The following NUDT21 variants were observed in gnomAD, a reference collection of about 807,000 sequenced individuals.
NUDT21 encodes the protein nudix hydrolase 21.
NUDT21 carries 5 observed loss-of-function variants against 29.8 expected under a neutral mutation model. That is an observed-to-expected ratio of 0.17 (90% CI 0.09 to 0.35). The LOEUF is 0.35. Among genes scored for constraint, NUDT21 ranks in the 10% least tolerant of loss-of-function variants. NUDT21 has a pLI of 1.00. For synonymous variants in NUDT21, 113 were observed against 98.5 expected, an observed-to-expected ratio of 1.15 and a Z score of -0.87; for missense variants, 76 against 276.0, an observed-to-expected ratio of 0.28 and a Z score of 5.13.
At chr16:56,441,006 C>T (rs1354786624) in intron 3 of NUDT21, among the ~76,000 whole-genome samples, 3 of 152,114 alleles carry the variant, frequency 2.0e-5, no homozygotes. Context: ...TCCCAAAGTG[C>T]TGGGCTTACA....
Position 56,434,917 on chromosome 16 carries a change from G to C in NUDT21, c.472-88C>G. Reference sequence around the variant, plus strand: ...ACTCCCCAGTATAGTATAAACTGTTGGGAGAAGCATACTACTTTCTGTCCT... The same window carrying C: ...ACTCCCCAGTATAGTATAAACTGTTCGGAGAAGCATACTACTTTCTGTCCT... On this transcript the variant is annotated intron_variant, in intron 4 of 6. Transcript: ENST00000300291. The C allele has an allele frequency of 2.6e-6, 2 of 780,682 alleles. 1 individual carries two copies. The allele number at this position is 780,682 out of a possible 1,614,324, so 48.4% of individuals were successfully genotyped here. A position where few individuals can be genotyped will look rare whatever the true frequency, so the allele number is the denominator to read the frequency against.
chr16:56,451,329 G>T lies in NUDT21; in HGVS notation c.-127C>A. Reference sequence around the variant, plus strand: ...CCGCCATTAACAGGACAGCGCAAGAGGAGGCGTAGGCACGCCGGAAGTGAA... The same window carrying T: ...CCGCCATTAACAGGACAGCGCAAGATGAGGCGTAGGCACGCCGGAAGTGAA... On this transcript the variant is annotated 5_prime_UTR_variant, in exon 1 of 7. Coordinates refer to ENST00000300291, the MANE Select transcript of NUDT21 (RefSeq NM_007006.3). 1.2e-6 allele frequency: 1 copy of T among 810,324 alleles called. No individual in the cohort carries two copies. Among genetic ancestry groups the T allele is most frequent in the Non-Finnish European group, 1.9e-6 (1 of 514,360 alleles). The allele number at this position is 810,324 out of a possible 1,614,324, so 50.2% of individuals were successfully genotyped here.
chr16:56,439,537 A>G lies in NUDT21; in HGVS notation c.471+120T>C, dbSNP rs1962138376. The G allele has an allele frequency of 5.4e-6, 4 of 746,566 alleles. No homozygotes were observed. In the South Asian group the frequency reaches 6.3e-5, roughly 12 times the overall value. 46.2% of individuals were successfully genotyped at this position (746,566 alleles called of 1,614,324 possible). A position where few individuals can be genotyped will look rare whatever the true frequency, so the allele number is the denominator to read the frequency against. ...TGCTTGGCTTAATTTTGTAATTTAA[A>G]TTAAGGAGGGAAGAAAAGAAAATTT... is the stretch of plus-strand genomic sequence containing the variant. On this transcript the variant is annotated intron_variant, in intron 4 of 6. Transcript: ENST00000300291.
rs1268314234 is a variant in NUDT21, at chr16:56,429,171, TAAAA to T, written c.*3537_*3540del. ...ATTTTTTATTGAAATGACAATAAAA[TAAAA>T]AAAGAACAGTGATCACTTTAACCAA... On this transcript the variant is annotated 3_prime_UTR_variant, in exon 7 of 7. Coordinates refer to ENST00000300291, the MANE Select transcript of NUDT21 (RefSeq NM_007006.3). 3 of 152,018 alleles carry T rather than the reference TAAAA, an allele frequency of 2.0e-5. No homozygotes were observed. Among genetic ancestry groups the T allele is most frequent in the Non-Finnish European group, 2.9e-5 (2 of 67,980 alleles). 9.4% of individuals were successfully genotyped at this position (152,018 alleles called of 1,614,324 possible).
chr16:56,435,029 C>T (rs75044771), intron 4 of NUDT21, 200 bp from the exon 5 acceptor site: 5 of 379,930 alleles, frequency 1.3e-5, no homozygotes, highest in East Asian at 8.0e-5. Flanking sequence ...GTCAACCATT[C>T]GAGATAAAAT....
At position 56,431,893 on chromosome 16, in the gene NUDT21, G is replaced by A. The variant is rs1332578657; in HGVS notation, c.*819C>T. 6.6e-6 allele frequency: 1 copy of A among 152,102 alleles called. No individual in the cohort carries two copies. Among genetic ancestry groups the A allele is most frequent in the African/African-American group, 2.4e-5 (1 of 41,420 alleles). 9.4% of individuals were successfully genotyped at this position (152,102 alleles called of 1,614,324 possible). A position where few individuals can be genotyped will look rare whatever the true frequency, so the allele number is the denominator to read the frequency against. On this transcript the variant is annotated 3_prime_UTR_variant, in exon 7 of 7. Coordinates refer to ENST00000300291, the MANE Select transcript of NUDT21 (RefSeq NM_007006.3). ...CTATGTACACAACTTCAAGTTAATTGAATATTTGTGCAATCTCAGAGTTCA... is the reference window on the plus strand; with the variant it reads ...CTATGTACACAACTTCAAGTTAATTAAATATTTGTGCAATCTCAGAGTTCA...
rs1410230928 is a variant in NUDT21 at position 56,439,675 on chromosome 16, T to C, written c.453A>G (p.Pro151=). Residue 151 remains proline, a synonymous_variant, in exon 4 of 7, where the codon CCA becomes CCG. Transcript: ENST00000300291. ...CACTGACCTGAGGAGGTTCAAAATT[T>C]GGTCTCCACCAGTTACCAATGCAAT... ...IDDCIGNWWR[P]NFEPPQYPYI... 1 of 1,613,364 alleles carries C rather than the reference T, an allele frequency of 6.2e-7. No homozygotes were observed. The highest frequency in any genetic ancestry group is 8.5e-7 in the Non-Finnish European group (1 of 1,179,412).
In NUDT21 at chr16:56,431,000, T is replaced by C. The variant is rs1223133953; in HGVS notation, c.*1712A>G. On this transcript the variant is annotated 3_prime_UTR_variant, in exon 7 of 7. Coordinates refer to ENST00000300291, the MANE Select transcript of NUDT21 (RefSeq NM_007006.3). ...AACACTCCTTACTGAGAGTACTTTA[T>C]AAAACACACAACAAAAGTCTACCTC... 10 of 152,240 alleles carry C rather than the reference T, an allele frequency of 6.6e-5. No individual in the cohort carries two copies. The highest frequency in any genetic ancestry group is 1.3e-4 in the Admixed American group (2 of 15,284). The allele number at this position is 152,240 out of a possible 1,614,324, so 9.4% of individuals were successfully genotyped here. A position where few individuals can be genotyped will look rare whatever the true frequency, so the allele number is the denominator to read the frequency against.
chr16:56,445,091 G>A (rs1225289718), intron 3 of NUDT21, among the ~76,000 whole-genome samples: 3 of 152,158 alleles, frequency 2.0e-5, no homozygotes, highest in Non-Finnish European at 2.9e-5. Flanking sequence ...GGCTGAGGCC[G>A]GAGAATCGCT....
chr16:56,432,355 CTT>C lies in NUDT21; in HGVS notation c.*355_*356del, dbSNP rs1229814127. 2 of 186,440 alleles carry C rather than the reference CTT, an allele frequency of 1.1e-5. No homozygotes were observed. Among genetic ancestry groups the C allele is most frequent in the African/African-American group, 2.3e-5 (1 of 42,646 alleles). The allele number at this position is 186,440 out of a possible 1,614,324, so 11.5% of individuals were successfully genotyped here. On this transcript the variant is annotated 3_prime_UTR_variant, in exon 7 of 7. Coordinates refer to ENST00000300291, the MANE Select transcript of NUDT21 (RefSeq NM_007006.3). Reference sequence around the variant, plus strand: ...GCAAGGGTCCAATAAACTTGACTGACTTAAACCTGTCATTGTGTTGCAACATT... The same window carrying C: ...GCAAGGGTCCAATAAACTTGACTGACAAACCTGTCATTGTGTTGCAACATT...
chr16:56,438,705 C>CT (rs1962129616), intron 4 of NUDT21, among the ~76,000 whole-genome samples: 1 of 151,764 alleles, frequency 6.6e-6, no homozygotes. Flanking sequence ...GCAAGACACA[C>CT]AGGGGAAACA....
chr16:56,440,374 A>G (rs1156577519), intron 3 of NUDT21, among the ~76,000 whole-genome samples: 2 of 152,210 alleles, frequency 1.3e-5, no homozygotes, highest in African/African-American at 2.4e-5. Context: ...TGAAGTCCAT[A>G]TATTATTCAG....
At chr16:56,445,826 A>G (rs1480902402) in intron 3 of NUDT21, among the ~76,000 whole-genome samples, 1 of 152,192 alleles carries the variant, frequency 6.6e-6, no homozygotes, top group Non-Finnish European at 1.5e-5. Context: ...TTTGTACCAT[A>G]CATTATATAA....
At chr16:56,438,795 GA>G (rs544326063) in intron 4 of NUDT21, among the ~76,000 whole-genome samples, 339 of 144,618 alleles carry the variant, frequency 2.3e-3, no homozygotes, top group African/African-American at 7.9e-3. Flanking sequence ...AAAACACAAG[GA>G]AAAAAAAAAG....
At chr16:56,450,705 C>T (rs977990555) in intron 1 of NUDT21, among the ~76,000 whole-genome samples, 1 of 152,230 alleles carries the variant, frequency 6.6e-6, no homozygotes, top group South Asian at 2.1e-4. Context: ...ATTCGTATCA[C>T]ATCAACACTC....
intron 1 of NUDT21, 139 bp downstream of exon 1, chr16:56,450,948 G>C (rs1462092987): frequency 4.5e-6 from 3 of 665,018 alleles, no homozygotes; most frequent in Non-Finnish European, 7.9e-6. Context: ...GAGAGAGGGA[G>C]GAAGGCGCGC....
chr16:56,449,213 G>A (rs78676296), intron 1 of NUDT21: 1 of 152,182 alleles, frequency 6.6e-6, no homozygotes, highest in Admixed American at 6.5e-5. Flanking sequence ...CATCTCTGTT[G>A]CAAGAGCCAG....
At chr16:56,446,553 C>A (rs1235141422) in intron 3 of NUDT21, 73 bp downstream of exon 3, 1 of 784,034 alleles carries the variant, frequency 1.3e-6, no homozygotes, top group East Asian at 2.7e-5. Flanking sequence ...AAATAAGCAT[C>A]CTTTTTACAA....
At position 56,436,803 on chromosome 16, in the gene NUDT21, TCTAA is replaced by T. The variant is rs577072294; in HGVS notation, c.472-1978_472-1975del. On this transcript the variant is annotated intron_variant, in intron 4 of 6. Coordinates refer to ENST00000300291, the MANE Select transcript of NUDT21 (RefSeq NM_007006.3). ...ATGATATGCTCCTTTTCCACTGACA[TCTAA>T]CTAATACTCTAGGCTTCCTAAATAA... Among the ~76,000 whole-genome samples, 24 of 152,174 alleles carry T rather than the reference TCTAA, an allele frequency of 1.6e-4. No homozygotes were observed. The South Asian group carries it at 3.9e-3, about 25-fold the overall frequency.
Sources: gnomAD v4.1 joint callset for allele counts (sites outside exome capture counted in the v4.1 genomes callset) on GRCh38, gnomAD v4.1.1 for gene constraint, MANE v1.5 for transcripts, NCBI Gene and HGNC (gene_info 2026-07-23, HGNC 2026-07-21) for gene names.